Variants in NFATC1 observed in about 807,000 individuals in gnomAD.
The protein encoded by NFATC1 is nuclear factor of activated T-cells, cytoplasmic 1.
In NFATC1, 22 loss-of-function variants were observed where a neutral mutation model predicts 76.0. The observed-to-expected ratio is 0.29, with a 90% CI of 0.21 to 0.41. The LOEUF (loss-of-function observed/expected upper bound fraction) is 0.41. Ranked by LOEUF, NFATC1 falls within the 10% of genes least tolerant of loss-of-function variation. NFATC1 has a pLI of 1.00. For synonymous variants in NFATC1, 704 were observed against 613.1 expected (o/e 1.15, Z -2.19); for missense variants, 1,357 against 1,337.7 (o/e 1.01, Z -0.23).
At chr18:79,521,506 C>G (rs865782054) in intron 9 of NFATC1, among the ~76,000 whole-genome samples, 2 of 44,796 alleles carry the variant, frequency 4.5e-5, no homozygotes, top group African/African-American at 8.9e-5. Flanking sequence ...ATGTGTGTGT[C>G]TGTGTGTGTG....
intron 3 of NFATC1, among the ~76,000 whole-genome samples, chr18:79,445,006 C>T (rs1011801634): frequency 6.6e-6 from 1 of 152,248 alleles, no homozygotes; most frequent in Non-Finnish European, 1.5e-5. Context: ...CAGGTGAGGC[C>T]TGGCTGAGAA....
intron 8 of NFATC1, among the ~76,000 whole-genome samples, chr18:79,485,924 T>C (rs938814766): frequency 6.6e-6 from 1 of 152,224 alleles, no homozygotes; most frequent in Non-Finnish European, 1.5e-5. Context: ...TGCATCCACG[T>C]TGAAACTTTC....
chr18:79,441,373 T>G (rs546943509), intron 3 of NFATC1, among the ~76,000 whole-genome samples: 36 of 152,270 alleles, frequency 2.4e-4, no homozygotes, highest in African/African-American at 8.4e-4. Flanking sequence ...CGGGCAGCGC[T>G]CCTGGGCCTC....
intron 3 of NFATC1, among the ~76,000 whole-genome samples, chr18:79,443,326 A>C (rs1380238961): frequency 2.0e-5 from 3 of 152,142 alleles, no homozygotes; most frequent in African/African-American, 4.8e-5. Context: ...TCGGGCCCCC[A>C]CACACACCGC....
intron 1 of NFATC1, among the ~76,000 whole-genome samples, chr18:79,397,494 G>A (rs1023004915): frequency 4.6e-5 from 7 of 152,330 alleles, no homozygotes; most frequent in African/African-American, 1.7e-4. Flanking sequence ...CTCCACGGAG[G>A]GGGGTCCGTG....
At chr18:79,416,486 G>A (rs377713379) in intron 2 of NFATC1, among the ~76,000 whole-genome samples, 1 of 90,216 alleles carries the variant, frequency 1.1e-5, no homozygotes, top group African/African-American at 6.3e-5. Context: ...GTCCGCGGGC[G>A]CTGGTGGGCC....
At chr18:79,422,087 C>T (rs1410141903) in intron 2 of NFATC1, 17 of 152,212 alleles carry the variant, frequency 1.1e-4, no homozygotes, top group Admixed American at 1.0e-3. Flanking sequence ...CTTCAGTGAA[C>T]ATCCAGAATG....
At chr18:79,463,461 G>A (rs534249964) in intron 7 of NFATC1, among the ~76,000 whole-genome samples, 221 of 148,096 alleles carry the variant, frequency 1.5e-3, no homozygotes, top group Non-Finnish European at 2.5e-3. Flanking sequence ...TGTCCATACC[G>A]GCCTCTCCTC....
At chr18:79,440,855 GCTTT>G (rs1027876937) in intron 3 of NFATC1, among the ~76,000 whole-genome samples, 26 of 152,378 alleles carry the variant, frequency 1.7e-4, no homozygotes, top group South Asian at 6.2e-4. Flanking sequence ...ACGGCTGCTT[GCTTT>G]CTTTGTCTGT....
chr18:79,524,386 G>A lies in NFATC1; in HGVS notation c.2783-3142G>A, dbSNP rs908157739. Among the ~76,000 whole-genome samples the A allele has an allele frequency of 4.6e-5, 7 of 152,214 alleles. No individual in the cohort carries two copies. The highest frequency in any genetic ancestry group is 7.2e-5 in the African/African-American group (3 of 41,452). The stretch of plus-strand genomic sequence containing the variant: ...GGCGGTACAGCCTCCTCTGCGGTTC[G>A]GTTGCTGTGCTGTCCTCTGCTGAGT... On this transcript the variant is annotated intron_variant, in intron 9 of 9. Transcript: ENST00000427363. This position sits in a 1 kb window ranked among gnomAD's most constrained non-coding sequence, Gnocchi z 7.2.
chr18:79,400,244 C>T (rs2085144118), intron 1 of NFATC1: 4 of 1,206,788 alleles, frequency 3.3e-6, no homozygotes, highest in Admixed American at 4.6e-5. Context: ...TATGTAAACC[C>T]GGAAACGCCC....
At chr18:79,459,107 C>T (rs1311812304) in intron 6 of NFATC1, among the ~76,000 whole-genome samples, 2 of 152,196 alleles carry the variant, frequency 1.3e-5, no homozygotes, top group African/African-American at 2.4e-5. Flanking sequence ...GGATGTTTGT[C>T]GGTTCCCCGC....
intron 9 of NFATC1, among the ~76,000 whole-genome samples, chr18:79,522,081 T>TG (rs539643316): frequency 0.035 from 1,093 of 31,094 alleles, 28 homozygotes; most frequent in Middle Eastern, 0.083. Context: ...GTGTGTCTGT[T>TG]GGGGGGGGCC....
intron 3 of NFATC1, among the ~76,000 whole-genome samples, chr18:79,439,345 C>T (rs900373395): frequency 4.6e-5 from 7 of 152,202 alleles, no homozygotes; most frequent in East Asian, 3.9e-4. Flanking sequence ...CCGCTCCGGC[C>T]CCGCCCCAGG....
chr18:79,429,735 A>C (rs769727831), intron 2 of NFATC1, among the ~76,000 whole-genome samples: 1 of 152,224 alleles, frequency 6.6e-6, no homozygotes, highest in African/African-American at 2.4e-5. Flanking sequence ...AACCAAAACC[A>C]ATCATCTTAA....
chr18:79,486,646 A>C lies in NFATC1; in HGVS notation c.2491A>C (p.Ser831Arg). ...LLPQQVSAPP[S>R]SSCPPGLEHS... is the part of the protein sequence containing the mutation. Reference sequence around the variant, plus strand: ...GCCACAGCAGGTGAGTGCGCCTCCAAGCAGTAGCTGCCCCCCTGGTCTCGA... The same window carrying C: ...GCCACAGCAGGTGAGTGCGCCTCCACGCAGTAGCTGCCCCCCTGGTCTCGA... The change falls in exon 9 of 10, where the codon AGC becomes CGC. Residue 831 changes from serine (S) to arginine (R), a missense_variant. Transcript: ENST00000427363. 2 of 1,603,388 alleles carry C rather than the reference A, an allele frequency of 1.2e-6. No homozygotes were observed. The highest frequency in any genetic ancestry group is 2.7e-5 in the African/African-American group (2 of 74,870).
chr18:79,427,454 CTGTGCGGTGGGTG>C, intron 2 of NFATC1, among the ~76,000 whole-genome samples: 1 of 49,098 alleles, frequency 2.0e-5, no homozygotes, highest in South Asian at 9.4e-4. Context: ...CGGCTGGCCT[CTGTGCGGTGGGTG>C]GGGGCTGTAC....
chr18:79,475,991 G>C (rs1333074191), intron 8 of NFATC1, among the ~76,000 whole-genome samples: 1 of 152,226 alleles, frequency 6.6e-6, no homozygotes, highest in Non-Finnish European at 1.5e-5. Context: ...GGGCGCACCT[G>C]GGGCTGGGCG....
intron 3 of NFATC1, among the ~76,000 whole-genome samples, chr18:79,440,795 G>A (rs1302474911): frequency 2.6e-5 from 4 of 152,280 alleles, no homozygotes; most frequent in East Asian, 3.8e-4. Flanking sequence ...TAAGAGGAAC[G>A]AGATGTGGTT....
Sources: gnomAD v4.1 joint callset for allele counts (sites outside exome capture counted in the v4.1 genomes callset) on GRCh38, gnomAD v4.1.1 for gene constraint, Gnocchi (gnomAD v3.1) non-coding constraint, MANE v1.5 for transcripts, NCBI Gene and HGNC (gene_info 2026-07-23, HGNC 2026-07-21) for gene names.